PDK1: variants seen among roughly 807,000 people sequenced by gnomAD.
PDK1 encodes pyruvate dehydrogenase kinase 1.
Under a neutral mutation model 54.2 loss-of-function variants are expected in PDK1, and 39 were observed. The observed-to-expected ratio is 0.72, with a 90% CI of 0.56 to 0.94. The LOEUF (loss-of-function observed/expected upper bound fraction) is 0.94, where lower values mean the gene tolerates loss of function less well. Ranked by LOEUF, PDK1 falls within the 40% of genes least tolerant of loss-of-function variation. The pLI is 0.00. For synonymous variants in PDK1, 221 were observed against 207.1 expected (o/e 1.07, Z -0.58); for missense variants, 552 against 566.0 (o/e 0.98, Z 0.25).
chr2:172,669,169 C>T, the PDK1 span, among the ~76,000 whole-genome samples: 4 of 150,372 alleles, frequency 2.7e-5, no homozygotes, highest in Admixed American at 2.0e-4. Flanking sequence ...ACGCCATTCT[C>T]CTGCCTCAGC....
At chr2:172,627,181 G>A in the PDK1 span, among the ~76,000 whole-genome samples, 13 of 152,210 alleles carry the variant, frequency 8.5e-5, no homozygotes, top group African/African-American at 3.1e-4. Flanking sequence ...ATCTAAACCT[G>A]CATCCAGGGC....
chr2:172,661,856 G>A, the PDK1 span, among the ~76,000 whole-genome samples: 3 of 152,178 alleles, frequency 2.0e-5, no homozygotes, highest in Non-Finnish European at 4.4e-5. Flanking sequence ...AGGGTACTAT[G>A]CTCACCACCT....
intron 8 of PDK1, among the ~76,000 whole-genome samples, chr2:172,574,420 A>G (rs961672178): frequency 6.6e-6 from 1 of 152,060 alleles, no homozygotes; most frequent in African/African-American, 2.4e-5. Context: ...TTGCATTTCC[A>G]TGGGTTTTAG....
the PDK1 span, among the ~76,000 whole-genome samples, chr2:172,654,082 C>T: frequency 4.6e-5 from 7 of 152,286 alleles, no homozygotes; most frequent in East Asian, 1.2e-3. Context: ...CCATCTCACA[C>T]CAGTTAGAAT....
At chr2:172,706,780 T>G in the PDK1 span, among the ~76,000 whole-genome samples, 1 of 152,216 alleles carries the variant, frequency 6.6e-6, no homozygotes, top group Non-Finnish European at 1.5e-5. Flanking sequence ...CCTCTGGCAC[T>G]TATTTGAGCT....
the PDK1 span, among the ~76,000 whole-genome samples, chr2:172,615,792 CTT>C: frequency 3.3e-5 from 5 of 152,112 alleles, no homozygotes. Context: ...TATAATGAGA[CTT>C]ATTAAATTAC....
At chr2:172,714,680 GC>G in the PDK1 span, among the ~76,000 whole-genome samples, 1 of 151,972 alleles carries the variant, frequency 6.6e-6, no homozygotes, top group African/African-American at 2.4e-5. Context: ...GATGAATGGA[GC>G]TTTTTTCCTT....
the PDK1 span, among the ~76,000 whole-genome samples, chr2:172,715,632 C>T: frequency 2.2e-4 from 33 of 152,194 alleles, no homozygotes; most frequent in South Asian, 2.3e-3. Flanking sequence ...ACAGAATGGA[C>T]AGTGAACAGC....
intron 8 of PDK1, among the ~76,000 whole-genome samples, chr2:172,577,182 T>C (rs1343370347): frequency 2.0e-5 from 3 of 152,182 alleles, no homozygotes; most frequent in Non-Finnish European, 4.4e-5. Context: ...TAACCTTATA[T>C]CATTAAAAAA....
chr2:172,573,492 A>T lies in PDK1; in HGVS notation c.945+2668A>T, dbSNP rs13026124. On this transcript the variant is annotated intron_variant, in intron 8 of 10. Coordinates refer to ENST00000282077, the MANE Select transcript of PDK1 (RefSeq NM_002610.5). ...TGTATATGTGTATATATATATAGGGATTCTATGTGTGTGTATATATATACA... is the reference window on the plus strand; with the variant it reads ...TGTATATGTGTATATATATATAGGGTTTCTATGTGTGTGTATATATATACA... 2.0e-5 allele frequency among the ~76,000 whole-genome samples: 3 copies of T among 150,306 alleles called. No individual in the cohort carries two copies. The East Asian group carries it at 5.9e-4, about 29-fold the overall frequency.
chr2:172,703,260 G>T, the PDK1 span, among the ~76,000 whole-genome samples: 2 of 152,140 alleles, frequency 1.3e-5, no homozygotes, highest in Non-Finnish European at 2.9e-5. Context: ...TCCTTTGAAG[G>T]AGTACAATAC....
the PDK1 span, among the ~76,000 whole-genome samples, chr2:172,618,019 G>T: frequency 3.9e-5 from 6 of 152,084 alleles, no homozygotes; most frequent in African/African-American, 1.4e-4. Flanking sequence ...GTTTTCCATT[G>T]TAATAGATAT....
intron 3 of PDK1, among the ~76,000 whole-genome samples, chr2:172,563,608 C>T (rs926472781): frequency 9.9e-5 from 15 of 152,206 alleles, no homozygotes; most frequent in African/African-American, 2.9e-4. Context: ...CCGAGGCGGG[C>T]GGATCGTCTG....
the PDK1 span, among the ~76,000 whole-genome samples, chr2:172,697,938 G>A: frequency 2.0e-5 from 3 of 152,134 alleles, no homozygotes; most frequent in African/African-American, 4.8e-5. Flanking sequence ...ATTTACCATG[G>A]CAACTGTCAG....
the PDK1 span, among the ~76,000 whole-genome samples, chr2:172,632,312 T>G: frequency 1.3e-5 from 2 of 152,068 alleles, no homozygotes; most frequent in Admixed American, 1.3e-4. Context: ...GAATTTTGAC[T>G]GGAATTGCAT....
At chr2:172,686,246 C>T in the PDK1 span, among the ~76,000 whole-genome samples, 1 of 152,320 alleles carries the variant, frequency 6.6e-6, no homozygotes, top group East Asian at 1.9e-4. Context: ...CTAAGATCTC[C>T]CTTTGAGAAG....
the PDK1 span, among the ~76,000 whole-genome samples, chr2:172,671,930 A>G: frequency 1.3e-5 from 2 of 152,206 alleles, no homozygotes; most frequent in Admixed American, 1.3e-4. Context: ...TTCTCAATAA[A>G]TATTTATTTC....
intron 8 of PDK1, among the ~76,000 whole-genome samples, chr2:172,575,399 C>G (rs1689524019): frequency 2.0e-5 from 3 of 152,258 alleles, no homozygotes; most frequent in South Asian, 4.1e-4. Context: ...GGTATTAATT[C>G]TTTCAGTGTT....
At chr2:172,702,762 C>T in the PDK1 span, among the ~76,000 whole-genome samples, 5 of 152,218 alleles carry the variant, frequency 3.3e-5, no homozygotes, top group African/African-American at 4.8e-5. Flanking sequence ...TTGTATTCAG[C>T]TTTACTAGCT....
Sources: gnomAD v4.1 joint callset for allele counts (sites outside exome capture counted in the v4.1 genomes callset) on GRCh38, gnomAD v4.1.1 for gene constraint, MANE v1.5 for transcripts, NCBI Gene and HGNC (gene_info 2026-07-23, HGNC 2026-07-21) for gene names.